TRPC5: variants seen among roughly 807,000 people sequenced by gnomAD.
The protein encoded by TRPC5 is short transient receptor potential channel 5.
In TRPC5, 9 loss-of-function variants were observed where a neutral mutation model predicts 56.5. That is an observed-to-expected ratio of 0.16 (90% CI 0.10 to 0.28). TRPC5 has a LOEUF of 0.28. TRPC5 is among the 10% of genes least tolerant of loss of function. The pLI is 1.00. For missense variants in TRPC5, 469 were observed against 748.9 expected (o/e 0.63, Z 4.36); for synonymous variants, 282 against 278.5 (o/e 1.01, Z -0.13).
chrX:112,073,131 C>T (rs192627474), intron 1 of TRPC5, among the ~76,000 whole-genome samples: 463 of 111,968 alleles, frequency 4.1e-3, no homozygotes, highest in African/African-American at 0.014. Context: ...TCTCTTTTTG[C>T]CTTCAATCAT....
chrX:111,933,817 A>C lies in TRPC5; in HGVS notation c.378+18226T>G, dbSNP rs1203830244. Among the ~76,000 whole-genome samples the C allele has an allele frequency of 4.5e-5, 5 of 111,389 alleles. No individual in the cohort carries two copies. In the East Asian group the frequency reaches 1.1e-3, roughly 25 times the overall value. ...CTGACTGGTCAGCATATGCATAACTATTCTTCTCATGAGACTATAAATTTC... is the reference window on the plus strand; with the variant it reads ...CTGACTGGTCAGCATATGCATAACTCTTCTTCTCATGAGACTATAAATTTC... On this transcript the variant is annotated intron_variant, in intron 2 of 10. Coordinates refer to ENST00000262839, the MANE Select transcript of TRPC5 (RefSeq NM_012471.3).
chrX:112,075,193 G>A (rs1198032004), intron 1 of TRPC5, among the ~76,000 whole-genome samples: 1 of 112,169 alleles, frequency 8.9e-6, no homozygotes, highest in African/African-American at 3.2e-5. Context: ...TCGTTCTTGA[G>A]GTTAAATATT....
intron 1 of TRPC5, among the ~76,000 whole-genome samples, chrX:112,046,116 G>A (rs1332153861): frequency 1.8e-5 from 2 of 109,119 alleles, no homozygotes; most frequent in Non-Finnish European, 3.8e-5. Context: ...TGCAGAGATT[G>A]AGAAACCCTG....
At chrX:112,029,952 C>T (rs1006119387) in intron 1 of TRPC5, among the ~76,000 whole-genome samples, 38 of 110,767 alleles carry the variant, frequency 3.4e-4, no homozygotes, top group African/African-American at 1.2e-3. Context: ...CTCAGCCTCC[C>T]AAGTAGCTGG....
At chrX:111,904,573 A>G (rs1029251503) in intron 3 of TRPC5, among the ~76,000 whole-genome samples, 1 of 110,628 alleles carries the variant, frequency 9.0e-6, no homozygotes, top group African/African-American at 3.3e-5. Flanking sequence ...TATAAGTGGG[A>G]GCTGAACTAT....
intron 1 of TRPC5, among the ~76,000 whole-genome samples, chrX:111,957,496 T>A (rs1265196149): frequency 8.9e-6 from 1 of 112,141 alleles, no homozygotes; most frequent in Non-Finnish European, 1.9e-5. Context: ...CACTGTTATC[T>A]CCCACCTTAC....
At chrX:112,019,451 T>A (rs771388735) in intron 1 of TRPC5, among the ~76,000 whole-genome samples, 3 of 109,956 alleles carry the variant, frequency 2.7e-5, no homozygotes, top group African/African-American at 1.0e-4. Flanking sequence ...TTTTTTTTTT[T>A]TTGGGATGGA....
intron 1 of TRPC5, among the ~76,000 whole-genome samples, chrX:111,966,175 C>T (rs1298408190): frequency 1.8e-5 from 2 of 111,802 alleles, no homozygotes; most frequent in African/African-American, 6.5e-5. Context: ...GAAATACAAA[C>T]TACCATCAGA....
chrX:112,028,517 C>A (rs1929486678), intron 1 of TRPC5, among the ~76,000 whole-genome samples: 3 of 111,562 alleles, frequency 2.7e-5, no homozygotes, highest in South Asian at 7.6e-4. Flanking sequence ...TGAGTGAGAA[C>A]ATGCAGTGTT....
chrX:111,832,015 TAAG>T (rs1328418102), intron 7 of TRPC5, among the ~76,000 whole-genome samples: 2 of 111,109 alleles, frequency 1.8e-5, no homozygotes, highest in African/African-American at 6.6e-5. Context: ...TTGAGAGTAA[TAAG>T]GAGATTGAGG....
chrX:112,022,477 C>T (rs531478442), intron 1 of TRPC5, among the ~76,000 whole-genome samples: 39 of 112,050 alleles, frequency 3.5e-4, no homozygotes, highest in African/African-American at 1.1e-3. Flanking sequence ...ATCTCCAGAG[C>T]ATAGAACAAT....
At chrX:111,876,573 G>A (rs759975172) in intron 3 of TRPC5, among the ~76,000 whole-genome samples, 1 of 111,668 alleles carries the variant, frequency 9.0e-6, no homozygotes, top group Admixed American at 9.5e-5. Flanking sequence ...AGGGAGTAGG[G>A]CCACAGATCA....
chrX:112,051,817 T>C (rs1026827945), intron 1 of TRPC5, among the ~76,000 whole-genome samples: 1 of 111,783 alleles, frequency 8.9e-6, no homozygotes, highest in Non-Finnish European at 1.9e-5. Context: ...ACCACTCTAC[T>C]TTCTGTCTCT....
chrX:111,908,322 C>T (rs1160306550), intron 3 of TRPC5, among the ~76,000 whole-genome samples: 1 of 111,513 alleles, frequency 9.0e-6, no homozygotes, highest in African/African-American at 3.3e-5. Flanking sequence ...TTTCTCAAGC[C>T]TGCCTTTCTA....
chrX:111,907,616 C>T (rs181832207), intron 3 of TRPC5, among the ~76,000 whole-genome samples: 214 of 109,319 alleles, frequency 2.0e-3, no homozygotes, highest in African/African-American at 6.9e-3. Flanking sequence ...CATAGTGAAA[C>T]TCTGTCTCAA....
At position 111,913,614 on chromosome X, in the gene TRPC5, C is replaced by A. The variant is rs769576961; in HGVS notation, c.379-802G>T. On this transcript the variant is annotated intron_variant, in intron 2 of 10. Transcript: ENST00000262839. ...GGGCTTCTTTGGGTATTCAGGAGCA[C>A]TTCCGGGTGAGTGTGCAGAACCTGA... Among the ~76,000 whole-genome samples the A allele has an allele frequency of 4.5e-5, 5 of 111,370 alleles. No homozygotes were observed. In the East Asian group the frequency reaches 1.4e-3, roughly 32 times the overall value.
intron 5 of TRPC5, among the ~76,000 whole-genome samples, chrX:111,848,020 G>A (rs1922982150): frequency 9.0e-6 from 1 of 111,541 alleles, no homozygotes; most frequent in African/African-American, 3.3e-5. Context: ...GCTTTCTGCT[G>A]AATTTTTAGC....
intron 1 of TRPC5, among the ~76,000 whole-genome samples, chrX:112,041,585 T>A (rs1408783523): frequency 1.8e-5 from 2 of 111,683 alleles, no homozygotes; most frequent in Non-Finnish European, 3.8e-5. Context: ...ACACCAGCAG[T>A]CAAATTCTCC....
At chrX:111,984,707 A>G (rs1928168767) in intron 1 of TRPC5, among the ~76,000 whole-genome samples, 2 of 112,148 alleles carry the variant, frequency 1.8e-5, no homozygotes, top group African/African-American at 6.5e-5. Context: ...TAGCTCGTGG[A>G]AGGGAAAAGT....
Sources: allele counts gnomAD v4.1 joint callset (sites outside exome capture counted in the v4.1 genomes callset), GRCh38; gene constraint gnomAD v4.1.1; transcripts MANE v1.5; gene names NCBI Gene and HGNC (gene_info 2026-07-23, HGNC 2026-07-21).